Variants in CLECL1 observed in about 807,000 individuals in gnomAD.
The protein encoded by CLECL1 is C-type lectin like 1, also known as C-type lectin-like domain family 1.
downstream of CLECL1, among the ~76,000 whole-genome samples, chr12:9,717,744 A>G (rs1866256033): frequency 6.6e-6 from 1 of 152,136 alleles, no homozygotes; most frequent in Non-Finnish European, 1.5e-5. Flanking sequence ...TCACTCATCT[A>G]TATATCTCTC....
chr12:9,710,950 C>G (rs1432247765), downstream of CLECL1, among the ~76,000 whole-genome samples: 1 of 152,162 alleles, frequency 6.6e-6, no homozygotes, highest in East Asian at 1.9e-4. Flanking sequence ...TCCAGTACAC[C>G]AAGGCAAGAA....
downstream of CLECL1, among the ~76,000 whole-genome samples, chr12:9,720,026 A>T (rs554044071): frequency 2.0e-3 from 311 of 152,230 alleles, 2 homozygotes; most frequent in South Asian, 0.023. Flanking sequence ...AGTGAGTGGA[A>T]GGGGTGATGG....
At chr12:9,705,282 G>A in the CLECL1 span, among the ~76,000 whole-genome samples, 55,793 of 151,200 alleles carry the variant, frequency 0.37, 11,923 homozygotes, top group East Asian at 0.59. Flanking sequence ...ATTTGTTTAA[G>A]TTCCTTATAA....
downstream of CLECL1, among the ~76,000 whole-genome samples, chr12:9,722,030 A>AG (rs1866319112): frequency 6.6e-6 from 1 of 152,200 alleles, no homozygotes; most frequent in African/African-American, 2.4e-5. Context: ...TGCTAGCCAC[A>AG]GGGTTTGCAG....
intron 3 of CLECL1, among the ~76,000 whole-genome samples, chr12:9,726,807 A>G (rs1185240874): frequency 6.6e-6 from 1 of 151,870 alleles, no homozygotes; most frequent in African/African-American, 2.4e-5. Flanking sequence ...ATTACAAGAA[A>G]GTGTTTTTGC....
chr12:9,731,412 G>T (rs1866445954), intron 1 of CLECL1, among the ~76,000 whole-genome samples: 1 of 152,158 alleles, frequency 6.6e-6, no homozygotes, highest in South Asian at 2.1e-4. Context: ...GCTCTGAAAT[G>T]GTAAGGAATA....
At chr12:9,718,945 G>A (rs1309888141), downstream of CLECL1, among the ~76,000 whole-genome samples, 1 of 152,148 alleles carries the variant, frequency 6.6e-6, no homozygotes, top group Non-Finnish European at 1.5e-5. Context: ...TATTATTATG[G>A]AATGTCCCTC....
chr12:9,733,022 T>C (rs1446436919), exon 1 of CLECL1: 3 of 1,614,082 alleles, frequency 1.9e-6, no homozygotes, highest in Non-Finnish European at 2.5e-6. Flanking sequence ...AGACTACATC[T>C]CCAGCCATTG....
downstream of CLECL1, among the ~76,000 whole-genome samples, chr12:9,720,507 A>G (rs1866296684): frequency 6.6e-6 from 1 of 151,782 alleles, no homozygotes; most frequent in East Asian, 1.9e-4. Context: ...ACACCCGGCT[A>G]ATTTTGTATT....
the CLECL1 span, chr12:9,708,808 C>T: frequency 8.4e-5 from 15 of 178,950 alleles, no homozygotes; most frequent in African/African-American, 3.1e-4. Context: ...TTTCTCTCTC[C>T]ATCACACCCT....
At chr12:9,732,125 A>G (rs1420325256) in intron 1 of CLECL1, among the ~76,000 whole-genome samples, 1 of 152,232 alleles carries the variant, frequency 6.6e-6, no homozygotes, top group African/African-American at 2.4e-5. Context: ...TCCTTTGATA[A>G]CTATAAACTT....
At chr12:9,715,397 A>T (rs1866227474), downstream of CLECL1, among the ~76,000 whole-genome samples, 1 of 152,190 alleles carries the variant, frequency 6.6e-6, no homozygotes, top group South Asian at 2.1e-4. Flanking sequence ...TACTTCAAGG[A>T]CTGTGATCAT....
At chr12:9,702,329 C>T in the CLECL1 span, among the ~76,000 whole-genome samples, 1 of 152,122 alleles carries the variant, frequency 6.6e-6, no homozygotes, top group Non-Finnish European at 1.5e-5. Context: ...TCAAGCTGTC[C>T]CTCTGAGCTC....
At chr12:9,704,366 T>G in the CLECL1 span, among the ~76,000 whole-genome samples, 1 of 152,322 alleles carries the variant, frequency 6.6e-6, no homozygotes, top group Non-Finnish European at 1.5e-5. Context: ...ATTTCACAAT[T>G]TTCATATAGA....
chr12:9,728,023 A>C (rs1321821847), intron 2 of CLECL1, among the ~76,000 whole-genome samples: 1 of 151,826 alleles, frequency 6.6e-6, no homozygotes, highest in Non-Finnish European at 1.5e-5. Context: ...AGTTCCTATT[A>C]ATTATATCAG....
At chr12:9,716,791 A>T (rs989396416) in intron 2 of CLECL1, 4 of 1,264,214 alleles carry the variant, frequency 3.2e-6, no homozygotes, top group African/African-American at 3.1e-5. Flanking sequence ...ATTTGAGAGG[A>T]GAAAGAAAAT....
upstream of CLECL1, chr12:9,733,152 T>C: frequency 1.2e-6 from 2 of 1,614,062 alleles, no homozygotes. Flanking sequence ...GCTCCCCAAG[T>C]GGGTGGTGGA....
chr12:9,725,666 G>T lies in CLECL1; in HGVS notation n.262+1899C>A, dbSNP rs192136318. Reference sequence around the variant, plus strand: ...ACTTCAATGCATAAAACGTGTCAGGGCATGCAAAGAAACAACTTTAGGAGA... The same window carrying T: ...ACTTCAATGCATAAAACGTGTCAGGTCATGCAAAGAAACAACTTTAGGAGA... On this transcript the variant is annotated intron_variant and non_coding_transcript_variant, in intron 3 of 3. Coordinates refer to ENST00000621400, the Ensembl canonical transcript of CLECL1. 3.9e-5 allele frequency among the ~76,000 whole-genome samples: 6 copies of T among 152,166 alleles called. No homozygotes were observed. In the South Asian group the frequency reaches 8.3e-4, roughly 21 times the overall value.
downstream of CLECL1, among the ~76,000 whole-genome samples, chr12:9,719,465 G>T (rs1434708058): frequency 6.6e-6 from 1 of 152,242 alleles, no homozygotes; most frequent in Non-Finnish European, 1.5e-5. Flanking sequence ...AGTGGAGCTT[G>T]CAGTGAGCCG....
Sources: allele counts gnomAD v4.1 joint callset (sites outside exome capture counted in the v4.1 genomes callset), GRCh38; gene constraint gnomAD v4.1.1; transcripts MANE v1.5; gene names NCBI Gene and HGNC (gene_info 2026-07-23, HGNC 2026-07-21).